Variants in BRI3 observed in about 807,000 individuals in gnomAD.
The protein encoded by BRI3 is membrane protein BRI3.
A neutral mutation model predicts 12.8 loss-of-function variants in BRI3; 6 were observed. That is an observed-to-expected ratio of 0.47 (90% CI 0.26 to 0.93). BRI3 has a LOEUF of 0.93. BRI3 is among the 40% of genes least tolerant of loss of function. The probability of loss-of-function intolerance (pLI) is 0.15; values close to 1 mark genes in which losing one functional copy is unlikely to be tolerated. For synonymous variants in BRI3, 91 were observed against 76.1 expected (o/e 1.20, Z -1.02); for missense variants, 134 against 171.1 (o/e 0.78, Z 1.21).
chr7:98,305,952 G>T (rs1800640256), upstream of BRI3, among the ~76,000 whole-genome samples: 1 of 152,152 alleles, frequency 6.6e-6, no homozygotes, highest in Non-Finnish European at 1.5e-5. Context: ...AGGAAGGATG[G>T]ACCCAGGGTG....
intron 1 of BRI3, among the ~76,000 whole-genome samples, chr7:98,299,285 C>T (rs988446601): frequency 1.3e-5 from 2 of 151,972 alleles, no homozygotes; most frequent in East Asian, 1.9e-4. Flanking sequence ...TCCCAAGGTG[C>T]TGGGATTACA....
downstream of BRI3, chr7:98,312,341 C>T (rs891019034): frequency 6.9e-6 from 10 of 1,448,102 alleles, no homozygotes; most frequent in South Asian, 6.9e-5. Context: ...CACGTCATAT[C>T]GCTGATAACA....
downstream of BRI3, among the ~76,000 whole-genome samples, chr7:98,293,853 G>A (rs1210223201): frequency 6.6e-6 from 1 of 152,236 alleles, no homozygotes; most frequent in Non-Finnish European, 1.5e-5. Context: ...GTCCTGCATT[G>A]TGTGTGACAT....
the BRI3 span, among the ~76,000 whole-genome samples, chr7:98,319,124 T>G: frequency 6.6e-6 from 1 of 152,020 alleles, no homozygotes; most frequent in Admixed American, 6.6e-5. Context: ...AGGGGAGGGA[T>G]GATTCCAGGG....
At chr7:98,304,897 C>G (rs1237372971), upstream of BRI3, among the ~76,000 whole-genome samples, 1 of 150,140 alleles carries the variant, frequency 6.7e-6, no homozygotes, top group Non-Finnish European at 1.5e-5. Context: ...TGGGGTTTCC[C>G]TCTTATTGTC....
At chr7:98,305,594 A>AT (rs556524286), upstream of BRI3, among the ~76,000 whole-genome samples, 35 of 151,806 alleles carry the variant, frequency 2.3e-4, no homozygotes, top group South Asian at 1.7e-3. Context: ...CTAATTGTTT[A>AT]TTTTTTTTGT....
chr7:98,301,748 G>C (rs568623255), upstream of BRI3, among the ~76,000 whole-genome samples: 1 of 152,140 alleles, frequency 6.6e-6, no homozygotes, highest in Non-Finnish European at 1.5e-5. Flanking sequence ...TTTGGCAGGT[G>C]CGGCCTGTGG....
intron 2 of BRI3, among the ~76,000 whole-genome samples, chr7:98,287,595 G>A (rs770900416): frequency 2.0e-5 from 3 of 152,354 alleles, no homozygotes; most frequent in Middle Eastern, 6.8e-3. Context: ...GTGGGCCGGC[G>A]CCCTGGCCCG....
At chr7:98,282,009 G>C (rs2116691501) in intron 1 of BRI3, 72 bp downstream of exon 1, 1 of 1,303,158 alleles carries the variant, frequency 7.7e-7, no homozygotes, top group Non-Finnish European at 9.7e-7. Context: ...CGTGGGTCCG[G>C]AGGCGGGTGG....
chr7:98,310,262 TCA>T (rs1800819365), exon 2 of BRI3: 3 of 573,996 alleles, frequency 5.2e-6, no homozygotes, highest in Admixed American at 4.0e-5. Flanking sequence ...TCAGAGCGTC[TCA>T]CAGTCTAGTC....
At chr7:98,312,304 T>G, downstream of BRI3, 1 of 1,563,848 alleles carries the variant, frequency 6.4e-7, no homozygotes. Context: ...CAAAGAAGAT[T>G]GTCTGAAGAG....
intron 2 of BRI3, among the ~76,000 whole-genome samples, chr7:98,290,061 A>G (rs1179101459): frequency 6.6e-6 from 1 of 152,190 alleles, no homozygotes; most frequent in East Asian, 1.9e-4. Flanking sequence ...CCCGCTACCA[A>G]AGGAACGGAA....
downstream of BRI3, among the ~76,000 whole-genome samples, chr7:98,296,073 GA>G (rs1800178025): frequency 6.6e-6 from 1 of 152,096 alleles, no homozygotes; most frequent in Non-Finnish European, 1.5e-5. Flanking sequence ...CCGTCAATGG[GA>G]GAGTCAGAAC....
At chr7:98,301,767 G>A (rs1005238692), upstream of BRI3, among the ~76,000 whole-genome samples, 4 of 152,130 alleles carry the variant, frequency 2.6e-5, no homozygotes, top group East Asian at 3.9e-4. Flanking sequence ...GGAGGCAGCC[G>A]GGGACTGGAT....
chr7:98,316,702 A>G, the BRI3 span, among the ~76,000 whole-genome samples: 2 of 152,116 alleles, frequency 1.3e-5, no homozygotes, highest in African/African-American at 4.8e-5. Context: ...CTACTCTGCT[A>G]TTGGACACTA....
At chr7:98,285,537 G>T (rs1401634472) in intron 2 of BRI3, among the ~76,000 whole-genome samples, 2 of 152,180 alleles carry the variant, frequency 1.3e-5, no homozygotes, top group East Asian at 3.9e-4. Flanking sequence ...CGGAGCTTGG[G>T]CCTGGGCTGC....
intron 2 of BRI3, among the ~76,000 whole-genome samples, chr7:98,290,325 A>G (rs572419135): frequency 6.6e-6 from 1 of 151,112 alleles, no homozygotes; most frequent in Non-Finnish European, 1.5e-5. Context: ...CCTCCTGAGT[A>G]GCTGGGACTA....
At chr7:98,321,973 G>A in the BRI3 span, among the ~76,000 whole-genome samples, 43 of 152,266 alleles carry the variant, frequency 2.8e-4, no homozygotes, top group African/African-American at 1.0e-3. Flanking sequence ...GCACGTGCCT[G>A]TAATCCCAGC....
the BRI3 span, chr7:98,317,256 C>T: frequency 1.5e-5 from 24 of 1,614,126 alleles, no homozygotes; most frequent in Non-Finnish European, 1.9e-5. Context: ...TGCGTTTCGG[C>T]TTCCTTGGCT....
Sources: gnomAD v4.1 joint callset for allele counts (sites outside exome capture counted in the v4.1 genomes callset) on GRCh38, gnomAD v4.1.1 for gene constraint, MANE v1.5 for transcripts, NCBI Gene and HGNC (gene_info 2026-07-23, HGNC 2026-07-21) for gene names.